The following CNTN5 variants were observed in gnomAD, a reference collection of about 807,000 sequenced individuals.
CNTN5 encodes the protein contactin-5.
Under a neutral mutation model 129.1 loss-of-function variants are expected in CNTN5, and 77 were observed. That is an observed-to-expected ratio of 0.60 (90% confidence interval 0.50 to 0.72). The LOEUF (loss-of-function observed/expected upper bound fraction) is 0.72, where lower values mean the gene tolerates loss of function less well. CNTN5 is among the 30% of genes least tolerant of loss of function. The pLI is 0.00. For missense variants in CNTN5, 1,478 were observed against 1,328.8 expected (o/e 1.11, Z -1.75); for synonymous variants, 509 against 465.6 (o/e 1.09, Z -1.20).
chr11:99,728,395 G>C (rs12793178), intron 3 of CNTN5, among the ~76,000 whole-genome samples: 9,832 of 152,206 alleles, frequency 0.065, 496 homozygotes, highest in South Asian at 0.24. Flanking sequence ...ACTATATTCT[G>C]AGAGAATCAT....
intron 1 of CNTN5, among the ~76,000 whole-genome samples, chr11:99,130,305 G>A (rs1185651225): frequency 6.6e-6 from 1 of 152,082 alleles, no homozygotes; most frequent in African/African-American, 2.4e-5. Flanking sequence ...AAAAACAGGA[G>A]TTGCAATCCT....
chr11:99,618,424 A>T (rs1950826117), intron 3 of CNTN5, among the ~76,000 whole-genome samples: 1 of 152,168 alleles, frequency 6.6e-6, no homozygotes, highest in Admixed American at 6.5e-5. Context: ...TTGATTCATC[A>T]CTTGATTAAT....
At chr11:99,464,047 C>G (rs1371625911) in intron 2 of CNTN5, among the ~76,000 whole-genome samples, 1 of 152,160 alleles carries the variant, frequency 6.6e-6, no homozygotes, top group Non-Finnish European at 1.5e-5. Flanking sequence ...TTACTAATTT[C>G]TTTAACTGGG....
chr11:99,233,973 A>G (rs1402405959), intron 1 of CNTN5, among the ~76,000 whole-genome samples: 4 of 148,944 alleles, frequency 2.7e-5, no homozygotes, highest in Non-Finnish European at 6.0e-5. Flanking sequence ...AATAAATAAT[A>G]ATTTGTTTTA....
intron 3 of CNTN5, among the ~76,000 whole-genome samples, chr11:99,597,425 C>T (rs971453867): frequency 3.3e-5 from 5 of 151,892 alleles, no homozygotes; most frequent in East Asian, 1.9e-4. Context: ...TCCTATTGCA[C>T]GTTCTAAACT....
chr11:99,077,621 T>A (rs142537096), intron 1 of CNTN5, among the ~76,000 whole-genome samples: 23 of 152,260 alleles, frequency 1.5e-4, no homozygotes, highest in African/African-American at 5.5e-4. Context: ...AGGCTTTGTG[T>A]CCCCATCCGA....
intron 1 of CNTN5, among the ~76,000 whole-genome samples, chr11:99,239,441 C>T (rs971192349): frequency 6.6e-6 from 1 of 152,134 alleles, no homozygotes; most frequent in African/African-American, 2.4e-5. Flanking sequence ...GTCATAATGT[C>T]TCCCACATAT....
intron 13 of CNTN5, among the ~76,000 whole-genome samples, chr11:100,094,095 G>T (rs1022724294): frequency 1.3e-5 from 2 of 152,052 alleles, no homozygotes. Context: ...AGAAAAGAAG[G>T]AATCTCTTGG....
At chr11:99,510,211 A>T (rs928259637) in intron 2 of CNTN5, among the ~76,000 whole-genome samples, 9 of 152,048 alleles carry the variant, frequency 5.9e-5, no homozygotes, top group Non-Finnish European at 1.2e-4. Flanking sequence ...CAAGTATATA[A>T]ATCAGAGCCA....
chr11:100,069,313 T>A (rs1301801374), intron 10 of CNTN5, among the ~76,000 whole-genome samples: 5 of 151,896 alleles, frequency 3.3e-5, no homozygotes, highest in Middle Eastern at 3.4e-3. Context: ...CCACCACACC[T>A]GAATAATTTT....
At chr11:99,677,571 A>G (rs1953345836) in intron 3 of CNTN5, among the ~76,000 whole-genome samples, 1 of 152,116 alleles carries the variant, frequency 6.6e-6, no homozygotes, top group Admixed American at 6.6e-5. Context: ...GAATAACTTA[A>G]CTGTGTTTTT....
At chr11:99,187,484 T>A (rs1858413041) in intron 1 of CNTN5, among the ~76,000 whole-genome samples, 1 of 151,890 alleles carries the variant, frequency 6.6e-6, no homozygotes, top group Non-Finnish European at 1.5e-5. Flanking sequence ...TCCATGTATC[T>A]TAACATGAAT....
At chr11:100,156,392 G>T (rs1031642824) in intron 13 of CNTN5, among the ~76,000 whole-genome samples, 2 of 152,108 alleles carry the variant, frequency 1.3e-5, no homozygotes, top group Non-Finnish European at 2.9e-5. Flanking sequence ...TGTGCTGCTG[G>T]ATTTGGTTTG....
intron 4 of CNTN5, among the ~76,000 whole-genome samples, chr11:99,823,316 T>C (rs1177001173): frequency 6.6e-6 from 1 of 152,226 alleles, no homozygotes; most frequent in Non-Finnish European, 1.5e-5. Flanking sequence ...ATGTTTCATC[T>C]ATTTTAAGTT....
intron 16 of CNTN5, among the ~76,000 whole-genome samples, chr11:100,227,407 G>A (rs1168475331): frequency 6.6e-6 from 1 of 152,120 alleles, no homozygotes; most frequent in African/African-American, 2.4e-5. Context: ...GTGTTTCTGA[G>A]TAGTAATGTT....
intron 2 of CNTN5, among the ~76,000 whole-genome samples, chr11:99,376,927 T>C (rs531269515): frequency 1.3e-5 from 2 of 152,304 alleles, no homozygotes; most frequent in Non-Finnish European, 2.9e-5. Context: ...TTATTAACTT[T>C]TTGCAGGAAG....
At chr11:99,750,562 C>T (rs1944198051) in intron 3 of CNTN5, among the ~76,000 whole-genome samples, 1 of 150,832 alleles carries the variant, frequency 6.6e-6, no homozygotes, top group Admixed American at 6.6e-5. Context: ...AAAAAGCTAC[C>T]ACTCTTACCT....
At chr11:100,150,199 T>TTAAA (rs1257237882) in intron 13 of CNTN5, among the ~76,000 whole-genome samples, 2 of 152,134 alleles carry the variant, frequency 1.3e-5, no homozygotes, top group Non-Finnish European at 2.9e-5. Context: ...TTTTTCTCAA[T>TTAAA]TAAATATATT....
chr11:100,270,075 T>G (rs577474056), intron 17 of CNTN5, among the ~76,000 whole-genome samples: 5 of 152,274 alleles, frequency 3.3e-5, no homozygotes, highest in East Asian at 3.9e-4. Context: ...TTGTTTGTTT[T>G]TTTCCATGTC....
Sources: gnomAD v4.1 joint callset for allele counts (sites outside exome capture counted in the v4.1 genomes callset) on GRCh38, gnomAD v4.1.1 for gene constraint, MANE v1.5 for transcripts, NCBI Gene and HGNC (gene_info 2026-07-23, HGNC 2026-07-21) for gene names.